Variants in AGBL1 observed in about 807,000 individuals in gnomAD.
AGBL1 encodes cytosolic carboxypeptidase 4.
AGBL1 carries 130 observed loss-of-function variants against 118.9 expected under a neutral mutation model. The ratio of observed to expected loss-of-function variants is 1.09; its 90% CI spans 0.95 to 1.26. The LOEUF (loss-of-function observed/expected upper bound fraction) is 1.26, where lower values mean the gene tolerates loss of function less well. Among genes scored for constraint, AGBL1 ranks in the 50% most tolerant of loss-of-function variants. The pLI is 0.00. For missense variants in AGBL1, 1,584 were observed against 1,298.1 expected (o/e 1.22, Z -3.38); for synonymous variants, 555 against 478.9 (o/e 1.16, Z -2.08).
At chr15:86,354,326 A>T (rs2080678905) in intron 17 of AGBL1, among the ~76,000 whole-genome samples, 1 of 152,212 alleles carries the variant, frequency 6.6e-6, no homozygotes, top group Admixed American at 6.5e-5. Context: ...TCATGGTAGG[A>T]TTGTTGAGAG....
intron 18 of AGBL1, among the ~76,000 whole-genome samples, chr15:86,411,283 T>G (rs2081616118): frequency 6.6e-6 from 1 of 151,642 alleles, no homozygotes; most frequent in Non-Finnish European, 1.5e-5. Context: ...CTCCCTGGGG[T>G]GGGTACCCAA....
At chr15:86,153,281 A>G (rs1247703541) in intron 3 of AGBL1, among the ~76,000 whole-genome samples, 5 of 152,222 alleles carry the variant, frequency 3.3e-5, no homozygotes, top group Admixed American at 6.5e-5. Flanking sequence ...ACAATGATAG[A>G]CTGGATTAAG....
intron 22 of AGBL1, among the ~76,000 whole-genome samples, chr15:86,857,937 G>A (rs1196565288): frequency 6.6e-6 from 1 of 152,152 alleles, no homozygotes; most frequent in East Asian, 1.9e-4. Context: ...TTTCACAAAT[G>A]TTTTCTTGGC....
intron 17 of AGBL1, among the ~76,000 whole-genome samples, chr15:86,326,298 A>C (rs1221205011): frequency 1.3e-5 from 2 of 152,174 alleles, no homozygotes; most frequent in Non-Finnish European, 2.9e-5. Context: ...CAGACTTATC[A>C]GTCTACACTA....
At chr15:86,938,407 C>G (rs1299450564) in intron 23 of AGBL1, among the ~76,000 whole-genome samples, 3 of 152,120 alleles carry the variant, frequency 2.0e-5, no homozygotes, top group Admixed American at 6.5e-5. Context: ...TTTGGTAGAG[C>G]TACTAAAATA....
chr15:87,017,882 A>G (rs1177732842), intron 24 of AGBL1, among the ~76,000 whole-genome samples: 2 of 152,152 alleles, frequency 1.3e-5, no homozygotes, highest in Admixed American at 6.6e-5. Flanking sequence ...AACCCAATGC[A>G]GAGAAGCTAT....
chr15:86,838,262 T>C (rs934056279), intron 22 of AGBL1, among the ~76,000 whole-genome samples: 2 of 152,324 alleles, frequency 1.3e-5, no homozygotes, highest in South Asian at 4.1e-4. Flanking sequence ...GTGCTCTTTA[T>C]ATAAAAAGAC....
At chr15:86,785,547 T>A (rs2078399631) in intron 22 of AGBL1, among the ~76,000 whole-genome samples, 1 of 151,886 alleles carries the variant, frequency 6.6e-6, no homozygotes, top group African/African-American at 2.4e-5. Flanking sequence ...TTTGTATTTT[T>A]AGTAGAGACG....
intron 21 of AGBL1, among the ~76,000 whole-genome samples, chr15:86,571,994 T>C (rs1447378901): frequency 6.6e-6 from 1 of 152,174 alleles, no homozygotes; most frequent in Non-Finnish European, 1.5e-5. Context: ...CCCATGCTTG[T>C]TGGTGCACAA....
intron 22 of AGBL1, among the ~76,000 whole-genome samples, chr15:86,863,552 C>T (rs1204104368): frequency 6.6e-6 from 1 of 150,766 alleles, no homozygotes; most frequent in Non-Finnish European, 1.5e-5. Context: ...AAAAAAAAAG[C>T]CCTCATTTTC....
At chr15:86,870,537 T>G (rs1283277849) in intron 22 of AGBL1, among the ~76,000 whole-genome samples, 1 of 142,844 alleles carries the variant, frequency 7.0e-6, no homozygotes, top group African/African-American at 2.7e-5. Flanking sequence ...CTTTGGCATT[T>G]AAACATTGCT....
chr15:86,636,057 C>A (rs1238483121), intron 21 of AGBL1, among the ~76,000 whole-genome samples: 2 of 152,128 alleles, frequency 1.3e-5, no homozygotes, highest in Non-Finnish European at 2.9e-5. Context: ...ATCCCTAAAT[C>A]ATCTCCTCCT....
chr15:86,651,599 G>T (rs983821253), intron 21 of AGBL1, among the ~76,000 whole-genome samples: 2 of 152,144 alleles, frequency 1.3e-5, no homozygotes, highest in Non-Finnish European at 2.9e-5. Context: ...TGCCTAGCCT[G>T]GCTCCTGGAG....
chr15:86,558,398 C>T (rs543512359), intron 21 of AGBL1, among the ~76,000 whole-genome samples: 1 of 152,304 alleles, frequency 6.6e-6, no homozygotes, highest in Non-Finnish European at 1.5e-5. Context: ...GTTGGGATGA[C>T]TCCAAAGGGC....
intron 5 of AGBL1, among the ~76,000 whole-genome samples, chr15:86,177,975 C>G (rs932704144): frequency 6.6e-6 from 1 of 152,010 alleles, no homozygotes; most frequent in African/African-American, 2.4e-5. Flanking sequence ...AAACAATAAG[C>G]AATTCAATCA....
rs771198475 is a variant in AGBL1 at position 86,257,931 on chromosome 15, C to T, written c.902-33C>T. 1.9e-5 allele frequency: 30 copies of T among 1,604,988 alleles called. No homozygotes were observed. The African/African-American group carries it at 3.6e-4, about 19-fold the overall frequency. On this transcript the variant is annotated intron_variant, in intron 8 of 22. Transcript: ENST00000614907. The stretch of plus-strand genomic sequence containing the variant: ...TCCTAAATCCCGGGCAAAGGGGAAA[C>T]TTCACTTATTTCACCTCTTTTTCCC...
chr15:86,852,387 G>T (rs916756292), intron 22 of AGBL1, among the ~76,000 whole-genome samples: 1 of 152,074 alleles, frequency 6.6e-6, no homozygotes, highest in Admixed American at 6.6e-5. Flanking sequence ...GACACATGTG[G>T]ATTACAATTG....
chr15:86,726,952 G>C (rs559442892), intron 22 of AGBL1, among the ~76,000 whole-genome samples: 3 of 151,958 alleles, frequency 2.0e-5, no homozygotes, highest in Non-Finnish European at 4.4e-5. Context: ...CGTTTTCCTC[G>C]TTGGTCAGAT....
At chr15:86,520,999 TA>T (rs2142197435) in intron 18 of AGBL1, among the ~76,000 whole-genome samples, 1 of 152,172 alleles carries the variant, frequency 6.6e-6, no homozygotes, top group African/African-American at 2.4e-5. Flanking sequence ...TCATTGCTAT[TA>T]AAAACAGAAA....
Sources: allele counts gnomAD v4.1 joint callset (sites outside exome capture counted in the v4.1 genomes callset), GRCh38; gene constraint gnomAD v4.1.1; transcripts MANE v1.5; gene names NCBI Gene and HGNC (gene_info 2026-07-23, HGNC 2026-07-21).